Variants in C10orf90 observed in about 807,000 individuals in gnomAD.
C10orf90 encodes the protein chromosome 10 open reading frame 90.
In C10orf90, 56 loss-of-function variants were observed where a neutral mutation model predicts 62.5. The ratio of observed to expected loss-of-function variants is 0.90; its 90% confidence interval spans 0.72 to 1.12. C10orf90 has a LOEUF of 1.12. Among genes scored for constraint, C10orf90 ranks in the 50% most tolerant of loss-of-function variants. C10orf90 has a pLI of 0.00. For synonymous variants in C10orf90, 386 were observed against 340.4 expected (o/e 1.13, Z -1.47); for missense variants, 970 against 880.4 (o/e 1.10, Z -1.29).
chr10:126,523,214 C>T (rs1378492664), intron 2 of C10orf90, among the ~76,000 whole-genome samples: 1 of 152,172 alleles, frequency 6.6e-6, no homozygotes, highest in Non-Finnish European at 1.5e-5. Flanking sequence ...GTGGGTTGTT[C>T]CAGCTTTGCT....
At chr10:126,662,094 A>T (rs1344796522) in intron 1 of C10orf90, among the ~76,000 whole-genome samples, 1 of 168 alleles carries the variant, frequency 6.0e-3, no homozygotes, top group African/African-American at 8.6e-3. Flanking sequence ...TAGTCTTGTT[A>T]AAAAAAAAAA....
At position 126,469,850 on chromosome 10, in the gene C10orf90, C is replaced by CA. The variant is rs1200148285; in HGVS notation, c.1535-4865dup. The CA allele has an allele frequency of 6.6e-6, 3 of 456,710 alleles. No homozygotes were observed. In the East Asian group the frequency reaches 2.1e-4, roughly 32 times the overall value. The allele number at this position is 456,710 out of a possible 1,614,324, so 28.3% of individuals were successfully genotyped here. A position where few individuals can be genotyped will look rare whatever the true frequency, so the allele number is the denominator to read the frequency against. ...GGGTGTCTGTTGAACACCCACTCTG[C>CA]ATGGGCGCCTGCAGGTGAGTTGAGG... On this transcript the variant is annotated intron_variant, in intron 4 of 9. Transcript: ENST00000488181.
chr10:126,667,240 A>T (rs1390331028), intron 1 of C10orf90, among the ~76,000 whole-genome samples: 1 of 151,122 alleles, frequency 6.6e-6, no homozygotes, highest in Non-Finnish European at 1.5e-5. Flanking sequence ...TTGTATTTTT[A>T]GTAGACACAG....
intron 2 of C10orf90, among the ~76,000 whole-genome samples, chr10:126,643,328 T>C (rs1403686241): frequency 2.6e-5 from 4 of 152,196 alleles, no homozygotes; most frequent in Non-Finnish European, 5.9e-5. Context: ...TCCCCATTCC[T>C]GCATGGGGAT....
chr10:126,473,387 G>A (rs915261484), intron 4 of C10orf90, among the ~76,000 whole-genome samples: 6 of 152,118 alleles, frequency 3.9e-5, no homozygotes, highest in Non-Finnish European at 7.3e-5. Flanking sequence ...GATGGCAATG[G>A]TCCTAGCTAA....
Position 126,452,795 on chromosome 10 carries a change from T to C in C10orf90, c.2188+6245A>G, listed in dbSNP as rs527257797. On this transcript the variant is annotated intron_variant, in intron 7 of 9. Coordinates refer to ENST00000488181, the MANE Select transcript of C10orf90 (RefSeq NM_001350921.2). The stretch of plus-strand genomic sequence containing the variant: ...GGGAAACAGCCTTTTCAGTAATTCA[T>C]GCTTCCTGTTTTCTTTGTAGACTGA... 3.3e-5 allele frequency among the ~76,000 whole-genome samples: 5 copies of C among 152,384 alleles called. No homozygotes were observed. In the South Asian group the frequency reaches 8.3e-4, roughly 25 times the overall value.
intron 4 of C10orf90, among the ~76,000 whole-genome samples, chr10:126,502,045 CCACACCACACACACGCACACA>C: frequency 7.2e-6 from 1 of 138,896 alleles, no homozygotes; most frequent in African/African-American, 2.7e-5. Context: ...AACCACACAC[CCACACCACACACACGCACACA>C]CACACCACAC....
At chr10:126,532,694 G>C (rs1040435899) in intron 2 of C10orf90, among the ~76,000 whole-genome samples, 9 of 150,126 alleles carry the variant, frequency 6.0e-5, no homozygotes, top group African/African-American at 2.2e-4. Context: ...AAAATTAGCC[G>C]GGCATGGTGG....
chr10:126,574,170 T>TA (rs1844565236), intron 2 of C10orf90, among the ~76,000 whole-genome samples: 1 of 152,144 alleles, frequency 6.6e-6, no homozygotes, highest in African/African-American at 2.4e-5. Context: ...ATTGACTACA[T>TA]AAAAAATTGG....
intron 2 of C10orf90, among the ~76,000 whole-genome samples, chr10:126,602,047 C>T (rs980741656): frequency 1.4e-4 from 22 of 152,224 alleles, no homozygotes; most frequent in Non-Finnish European, 2.8e-4. Context: ...GCTATGTAAA[C>T]GTTCGCTTCA....
chr10:126,505,471 C>A (rs1252617678), intron 3 of C10orf90, among the ~76,000 whole-genome samples: 2 of 152,186 alleles, frequency 1.3e-5, no homozygotes, highest in African/African-American at 2.4e-5. Context: ...GTGGCTGGAA[C>A]TTGGGGCCAC....
chr10:126,636,279 G>C (rs1158259465), intron 2 of C10orf90, among the ~76,000 whole-genome samples: 1 of 152,158 alleles, frequency 6.6e-6, no homozygotes, highest in African/African-American at 2.4e-5. Flanking sequence ...CTGTGTCTCA[G>C]CCAGGCGTGG....
chr10:126,649,383 G>T (rs753761053), intron 1 of C10orf90, among the ~76,000 whole-genome samples: 20 of 151,978 alleles, frequency 1.3e-4, no homozygotes, highest in Non-Finnish European at 2.8e-4. Flanking sequence ...GGGCCCTGGT[G>T]GTGCCCCTGC....
intron 2 of C10orf90, among the ~76,000 whole-genome samples, chr10:126,533,248 C>T (rs7895050): frequency 0.89 from 134,800 of 152,126 alleles, 59,966 homozygotes; most frequent in African/African-American, 0.96. Context: ...ATTGTATTAT[C>T]AAGCCTCACA....
intron 1 of C10orf90, among the ~76,000 whole-genome samples, chr10:126,651,332 A>G (rs927643513): frequency 2.0e-5 from 3 of 152,168 alleles, no homozygotes; most frequent in African/African-American, 4.8e-5. Flanking sequence ...GCAAAACCTT[A>G]CCTGAACTAA....
intron 4 of C10orf90, among the ~76,000 whole-genome samples, chr10:126,493,241 G>C (rs1451831254): frequency 1.3e-5 from 2 of 151,698 alleles, no homozygotes; most frequent in African/African-American, 4.8e-5. Flanking sequence ...CAAGTAATCT[G>C]TCTGGGACAA....
intron 2 of C10orf90, among the ~76,000 whole-genome samples, chr10:126,608,543 C>A (rs932374002): frequency 6.6e-6 from 1 of 152,152 alleles, no homozygotes. Context: ...TATCAAGGAA[C>A]AATATCCACA....
intron 2 of C10orf90, among the ~76,000 whole-genome samples, chr10:126,628,465 T>C (rs1218352515): frequency 6.6e-6 from 1 of 152,114 alleles, no homozygotes; most frequent in Non-Finnish European, 1.5e-5. Flanking sequence ...GTTGTGTTTG[T>C]TGCTGTTTCA....
chr10:126,512,194 GA>G (rs1863147079), intron 3 of C10orf90: 1 of 152,050 alleles, frequency 6.6e-6, no homozygotes, highest in Admixed American at 6.6e-5. Flanking sequence ...CAGGTGGTCA[GA>G]AGGTATAATT....
Sources: allele counts gnomAD v4.1 joint callset (sites outside exome capture counted in the v4.1 genomes callset), GRCh38; gene constraint gnomAD v4.1.1; transcripts MANE v1.5; gene names NCBI Gene and HGNC (gene_info 2026-07-23, HGNC 2026-07-21).